The following ANXA8 variants were observed in gnomAD, a reference collection of about 807,000 sequenced individuals.
ANXA8 encodes the protein VAC-beta.
A neutral mutation model predicts 26.8 loss-of-function variants in ANXA8; 9 were observed. The ratio of observed to expected loss-of-function variants is 0.34; its 90% CI spans 0.20 to 0.59. The LOEUF (loss-of-function observed/expected upper bound fraction) is 0.59, where lower values mean the gene tolerates loss of function less well. Ranked by LOEUF, ANXA8 falls within the 20% of genes least tolerant of loss-of-function variation. ANXA8 has a pLI of 0.84. For missense variants in ANXA8, 83 were observed against 238.5 expected (o/e 0.35, Z 4.29); for synonymous variants, 39 against 94.8 (o/e 0.41, Z 3.42).
chr10:47,487,131 A>G (rs2942996), upstream of ANXA8: 2 of 1,407,224 alleles, frequency 1.4e-6, no homozygotes, highest in Non-Finnish European at 1.9e-6. Flanking sequence ...TTAAGTGTAC[A>G]CCATAAATAT....
At chr10:47,516,826 T>C in the ANXA8 span, among the ~76,000 whole-genome samples, 50 of 129,054 alleles carry the variant, frequency 3.9e-4, 7 homozygotes, top group South Asian at 0.011. Flanking sequence ...GGCAAATGAA[T>C]ATAGTCAGAA....
the ANXA8 span, among the ~76,000 whole-genome samples, chr10:47,957,000 A>T: frequency 1.3e-5 from 2 of 150,424 alleles, no homozygotes; most frequent in Non-Finnish European, 2.9e-5. Context: ...TCCTTCCCTT[A>T]GTATCTCAGC....
chr10:47,954,585 C>T, the ANXA8 span, among the ~76,000 whole-genome samples: 722 of 150,428 alleles, frequency 4.8e-3, 6 homozygotes, highest in African/African-American at 0.017. Flanking sequence ...ATGATAAATG[C>T]TTGAGGTGAT....
the ANXA8 span, among the ~76,000 whole-genome samples, chr10:47,743,858 C>A: frequency 2.1e-5 from 3 of 145,278 alleles, no homozygotes; most frequent in Non-Finnish European, 3.0e-5. Context: ...TCTGCAGGCT[C>A]CGTCCCCACA....
chr10:47,676,704 G>A, the ANXA8 span, among the ~76,000 whole-genome samples: 2 of 151,510 alleles, frequency 1.3e-5, no homozygotes, highest in Non-Finnish European at 2.9e-5. Context: ...CAAATCACAA[G>A]GTCAAGAGGT....
At chr10:47,571,421 C>A in the ANXA8 span, among the ~76,000 whole-genome samples, 2 of 149,228 alleles carry the variant, frequency 1.3e-5, no homozygotes, top group African/African-American at 5.1e-5. Flanking sequence ...TTTTCTCTCA[C>A]TTCTCGGCAA....
the ANXA8 span, among the ~76,000 whole-genome samples, chr10:47,676,232 G>A: frequency 6.6e-6 from 1 of 151,782 alleles, no homozygotes; most frequent in Non-Finnish European, 1.5e-5. Context: ...AGTTTCAGAA[G>A]GAGAGAAGAG....
chr10:47,639,210 G>A, the ANXA8 span, among the ~76,000 whole-genome samples: 3 of 147,834 alleles, frequency 2.0e-5, no homozygotes, highest in African/African-American at 7.6e-5. Flanking sequence ...TCCGCTCACT[G>A]CAAGCTCCGC....
At chr10:47,566,999 G>A in the ANXA8 span, among the ~76,000 whole-genome samples, 1 of 148,410 alleles carries the variant, frequency 6.7e-6, no homozygotes. Flanking sequence ...GGAGGGGGTG[G>A]GCTTAGGGTC....
chr10:47,597,258 C>T, the ANXA8 span, among the ~76,000 whole-genome samples: 1 of 149,108 alleles, frequency 6.7e-6, no homozygotes. Context: ...AAGAACATAC[C>T]TAAAATAATA....
chr10:47,957,935 A>T, the ANXA8 span, among the ~76,000 whole-genome samples: 10 of 150,554 alleles, frequency 6.6e-5, no homozygotes, highest in African/African-American at 2.0e-4. Context: ...AAACAACTTA[A>T]TTAAAAATGG....
chr10:47,695,084 T>C, the ANXA8 span, among the ~76,000 whole-genome samples: 3 of 151,238 alleles, frequency 2.0e-5, no homozygotes, highest in African/African-American at 7.3e-5. Flanking sequence ...AAATTTCTTG[T>C]CTGTTCCTTT....
the ANXA8 span, among the ~76,000 whole-genome samples, chr10:47,647,934 C>T: frequency 6.6e-6 from 1 of 151,814 alleles, no homozygotes; most frequent in Non-Finnish European, 1.5e-5. Context: ...TGGCCACATA[C>T]GGACTTCCTC....
At chr10:47,957,093 G>T in the ANXA8 span, among the ~76,000 whole-genome samples, 4 of 150,368 alleles carry the variant, frequency 2.7e-5, no homozygotes. Flanking sequence ...TCCAGGCTTT[G>T]ATTGGGTATA....
chr10:47,587,894 A>C, the ANXA8 span, among the ~76,000 whole-genome samples: 1 of 146,160 alleles, frequency 6.8e-6, no homozygotes, highest in Non-Finnish European at 1.5e-5. Context: ...AAGACACACT[A>C]CCTGGCTGTG....
At chr10:47,743,247 TATATATATATATATATAC>T in the ANXA8 span, among the ~76,000 whole-genome samples, 92 of 89,456 alleles carry the variant, frequency 1.0e-3, no homozygotes, top group Middle Eastern at 0.011. Context: ...ACAGGCTTCA[TATATATATATATATATAC>T]ATATATATAT....
the ANXA8 span, among the ~76,000 whole-genome samples, chr10:47,771,888 C>G: frequency 2.8e-4 from 42 of 150,974 alleles, no homozygotes; most frequent in African/African-American, 1.0e-3. Flanking sequence ...ATGGCAGGTA[C>G]TTTTATCACT....
chr10:47,530,722 T>A, the ANXA8 span, among the ~76,000 whole-genome samples: 12 of 128,284 alleles, frequency 9.4e-5, no homozygotes, highest in East Asian at 3.3e-4. Flanking sequence ...AGAGAGAAAA[T>A]AAACAACACA....
chr10:47,772,550 G>A, the ANXA8 span, among the ~76,000 whole-genome samples: 1 of 152,088 alleles, frequency 6.6e-6, no homozygotes, highest in Non-Finnish European at 1.5e-5. Context: ...GAGGACATAA[G>A]AAATGGCTGT....
Sources: allele counts gnomAD v4.1 joint callset (sites outside exome capture counted in the v4.1 genomes callset), GRCh38; gene constraint gnomAD v4.1.1; transcripts MANE v1.5; gene names NCBI Gene and HGNC (gene_info 2026-07-23, HGNC 2026-07-21).